The following MTSS1 variants were observed in gnomAD, a reference collection of about 807,000 sequenced individuals.
MTSS1 encodes MTSS I-BAR domain containing 1.
In MTSS1, 18 loss-of-function variants were observed where a neutral mutation model predicts 79.0. The observed-to-expected ratio is 0.23, with a 90% CI of 0.16 to 0.34. The LOEUF is 0.34. Ranked by LOEUF, MTSS1 falls within the 10% of genes least tolerant of loss-of-function variation. The pLI, the probability that MTSS1 is intolerant of heterozygous loss-of-function variation, is 1.00. For missense variants in MTSS1, 815 were observed against 986.2 expected (o/e 0.83, Z 2.33); for synonymous variants, 341 against 368.6 (o/e 0.93, Z 0.86).
At chr8:124,629,142 C>A (rs1438527045) in intron 3 of MTSS1, among the ~76,000 whole-genome samples, 2 of 152,214 alleles carry the variant, frequency 1.3e-5, no homozygotes, top group African/African-American at 2.4e-5. Context: ...GCACTATCAT[C>A]ACCCCCATTT....
chr8:124,617,160 T>C (rs1837025755), intron 3 of MTSS1, among the ~76,000 whole-genome samples: 1 of 152,208 alleles, frequency 6.6e-6, no homozygotes, highest in South Asian at 2.1e-4. Flanking sequence ...TAATGTTTTT[T>C]CCAGAATCAT....
At chr8:124,600,730 A>G (rs1833643496) in intron 3 of MTSS1, among the ~76,000 whole-genome samples, 2 of 152,236 alleles carry the variant, frequency 1.3e-5, no homozygotes, top group Non-Finnish European at 2.9e-5. Context: ...GAGCTGGCAA[A>G]TCAGTACTTA....
intron 5 of MTSS1, among the ~76,000 whole-genome samples, chr8:124,588,003 C>T (rs571592512): frequency 8.5e-5 from 13 of 152,246 alleles, no homozygotes; most frequent in East Asian, 1.9e-4. Context: ...AGTTAAAGGA[C>T]GTGCACCAAA....
chr8:124,662,432 C>A (rs549956328), intron 3 of MTSS1, among the ~76,000 whole-genome samples: 55 of 152,288 alleles, frequency 3.6e-4, no homozygotes, highest in Admixed American at 6.5e-4. Flanking sequence ...CAGCACAGGA[C>A]ACCAAGAGAG....
chr8:124,587,864 T>A (rs1831147798), intron 5 of MTSS1, among the ~76,000 whole-genome samples: 1 of 152,210 alleles, frequency 6.6e-6, no homozygotes, highest in Admixed American at 6.5e-5. Context: ...TACTTCTGAA[T>A]CTCAACACAA....
intron 3 of MTSS1, among the ~76,000 whole-genome samples, chr8:124,668,114 T>C (rs1361960112): frequency 6.6e-6 from 1 of 151,998 alleles, no homozygotes; most frequent in African/African-American, 2.4e-5. Context: ...TCCAAGGCTT[T>C]CACCTCCACC....
At chr8:124,711,968 A>G (rs373359053) in intron 1 of MTSS1, among the ~76,000 whole-genome samples, 1 of 151,386 alleles carries the variant, frequency 6.6e-6, no homozygotes, top group Non-Finnish European at 1.5e-5. Flanking sequence ...AGATCACGCC[A>G]CTGCACTCCA....
chr8:124,563,126 TG>T (rs1586823020), intron 9 of MTSS1, 134 bp from the exon 10 acceptor site: 2 of 744,972 alleles, frequency 2.7e-6, no homozygotes, highest in East Asian at 2.7e-5. Flanking sequence ...ATTAGCTCTC[TG>T]CCCTGGAGAT....
Position 124,551,825 on chromosome 8 carries a change from A to G in MTSS1, c.*1167T>C, listed in dbSNP as rs1338295516. 1 of 152,612 alleles carries G rather than the reference A, an allele frequency of 6.6e-6. No homozygotes were observed. The highest frequency in any genetic ancestry group is 1.5e-5 in the Non-Finnish European group (1 of 68,032). The allele number at this position is 152,612 out of a possible 1,614,324, so 9.5% of individuals were successfully genotyped here. On this transcript the variant is annotated 3_prime_UTR_variant, in exon 14 of 14. Coordinates refer to ENST00000518547, the MANE Select transcript of MTSS1 (RefSeq NM_014751.6). ...CAATAAACAAATCCTCCTCTCTTCA[A>G]TGTTTACTGTAAAGCCAGTTAACTG...
chr8:124,718,792 CAT>C (rs1211267380), intron 1 of MTSS1, among the ~76,000 whole-genome samples: 2 of 152,170 alleles, frequency 1.3e-5, no homozygotes, highest in Non-Finnish European at 2.9e-5. Flanking sequence ...GCAAAACAAA[CAT>C]GTGTCGTGTG....
chr8:124,718,632 T>A (rs1364625311), intron 1 of MTSS1, among the ~76,000 whole-genome samples: 1 of 151,288 alleles, frequency 6.6e-6, no homozygotes, highest in Non-Finnish European at 1.5e-5. Context: ...AGGAGAGGAG[T>A]CCGGCCTCAA....
intron 3 of MTSS1, among the ~76,000 whole-genome samples, chr8:124,678,471 G>A (rs1257553657): frequency 6.6e-6 from 1 of 152,172 alleles, no homozygotes; most frequent in Non-Finnish European, 1.5e-5. Flanking sequence ...CCACATGGCT[G>A]GGGAGGCCTT....
At chr8:124,705,777 C>T (rs952207038) in intron 1 of MTSS1, among the ~76,000 whole-genome samples, 1 of 152,226 alleles carries the variant, frequency 6.6e-6, no homozygotes, top group African/African-American at 2.4e-5. Context: ...AGGTTCTCAG[C>T]CTCAACACTA....
At chr8:124,558,644 G>A in intron 10 of MTSS1, 1 of 1,454,714 alleles carries the variant, frequency 6.9e-7, no homozygotes, top group African/African-American at 1.4e-5. Flanking sequence ...CGGCTGTGAG[G>A]GCTGTCTGAG....
At chr8:124,665,222 C>T (rs546843470) in intron 3 of MTSS1, among the ~76,000 whole-genome samples, 1 of 152,260 alleles carries the variant, frequency 6.6e-6, no homozygotes, top group African/African-American at 2.4e-5. Flanking sequence ...AAAATTAGTC[C>T]TGCTGTGTCC....
intron 3 of MTSS1, among the ~76,000 whole-genome samples, chr8:124,687,414 T>C (rs544147082): frequency 1.3e-5 from 2 of 152,126 alleles, no homozygotes; most frequent in Non-Finnish European, 2.9e-5. Context: ...CCAAATGAAG[T>C]ATCACTCTCC....
At chr8:124,558,663 A>C in intron 10 of MTSS1, 9 of 1,483,356 alleles carry the variant, frequency 6.1e-6, no homozygotes, top group Non-Finnish European at 7.2e-6. Context: ...AGCAGCAGGC[A>C]GGGGGACCAG....
intron 3 of MTSS1, among the ~76,000 whole-genome samples, chr8:124,669,223 T>C (rs1445817715): frequency 6.6e-6 from 1 of 152,266 alleles, no homozygotes; most frequent in African/African-American, 2.4e-5. Context: ...ATTTTCTGGA[T>C]AAATAATTAC....
At chr8:124,643,864 G>A (rs1188776676) in intron 3 of MTSS1, among the ~76,000 whole-genome samples, 2 of 152,140 alleles carry the variant, frequency 1.3e-5, no homozygotes, top group East Asian at 3.9e-4. Flanking sequence ...AAAATTACAG[G>A]TAACTTTTAT....
Sources: gnomAD v4.1 joint callset for allele counts (sites outside exome capture counted in the v4.1 genomes callset) on GRCh38, gnomAD v4.1.1 for gene constraint, MANE v1.5 for transcripts, NCBI Gene and HGNC (gene_info 2026-07-23, HGNC 2026-07-21) for gene names.